ATP9B: variants seen among roughly 807,000 people sequenced by gnomAD.
ATP9B encodes the protein ATPase phospholipid transporting 9B, also known as probable phospholipid-transporting ATPase IIB.
In ATP9B, 110 loss-of-function variants were observed where a neutral mutation model predicts 146.1. The observed-to-expected ratio is 0.75, with a 90% confidence interval of 0.65 to 0.88. ATP9B has a LOEUF of 0.88. ATP9B is among the 40% of genes least tolerant of loss of function. The probability of loss-of-function intolerance (pLI) is 0.00; values close to 1 mark genes in which losing one functional copy is unlikely to be tolerated. For synonymous variants in ATP9B, 604 were observed against 569.7 expected, an observed-to-expected ratio of 1.06 and a Z score of -0.86; for missense variants, 1,499 against 1,496.4, an observed-to-expected ratio of 1.00 and a Z score of -0.03.
intron 12 of ATP9B, among the ~76,000 whole-genome samples, chr18:79,260,899 T>C (rs992530027): frequency 6.6e-6 from 1 of 152,246 alleles, no homozygotes; most frequent in African/African-American, 2.4e-5. Context: ...ATCAGTGATC[T>C]TGTATTCCTT....
chr18:79,103,387 G>T (rs1432568271), intron 2 of ATP9B, among the ~76,000 whole-genome samples: 1 of 151,740 alleles, frequency 6.6e-6, no homozygotes, highest in African/African-American at 2.4e-5. Context: ...GGAGATGTAA[G>T]TTGCAGAGTC....
chr18:79,134,012 T>G (rs2094416780), intron 5 of ATP9B, among the ~76,000 whole-genome samples: 1 of 152,230 alleles, frequency 6.6e-6, no homozygotes, highest in Non-Finnish European at 1.5e-5. Context: ...TAAAAAGTAT[T>G]TTCCAAAAGT....
intron 8 of ATP9B, among the ~76,000 whole-genome samples, chr18:79,178,764 A>C (rs1477995674): frequency 2.0e-5 from 3 of 152,150 alleles, no homozygotes; most frequent in Non-Finnish European, 4.4e-5. Flanking sequence ...GGTATTTGAT[A>C]TGCTGATATT....
intron 9 of ATP9B, among the ~76,000 whole-genome samples, chr18:79,198,580 T>C (rs1316492694): frequency 1.5e-5 from 2 of 130,796 alleles, no homozygotes; most frequent in Admixed American, 7.0e-5. Flanking sequence ...TGTAGCCTAC[T>C]ACACACCTAG....
intron 15 of ATP9B, among the ~76,000 whole-genome samples, chr18:79,322,048 C>T (rs138381309): frequency 1.6e-4 from 25 of 152,314 alleles, no homozygotes; most frequent in Non-Finnish European, 3.1e-4. Flanking sequence ...GATGGTGATG[C>T]ACAGGTGCCA....
At chr18:79,202,097 A>C (rs1471327863) in intron 9 of ATP9B, among the ~76,000 whole-genome samples, 1 of 152,170 alleles carries the variant, frequency 6.6e-6, no homozygotes, top group African/African-American at 2.4e-5. Context: ...AATTAATTCA[A>C]GGTCCCTGTG....
intron 2 of ATP9B, among the ~76,000 whole-genome samples, chr18:79,108,750 CTT>C (rs2075817279): frequency 6.6e-6 from 1 of 152,190 alleles, no homozygotes; most frequent in Non-Finnish European, 1.5e-5. Context: ...AACCTCTGAC[CTT>C]TCAGTGTGAG....
chr18:79,198,530 G>T (rs1384912886), intron 9 of ATP9B, among the ~76,000 whole-genome samples: 1 of 152,196 alleles, frequency 6.6e-6, no homozygotes, highest in African/African-American at 2.4e-5. Flanking sequence ...TTTCGTCATT[G>T]TGCAAACATG....
intron 5 of ATP9B, among the ~76,000 whole-genome samples, chr18:79,137,483 GC>G (rs2094461747): frequency 6.6e-6 from 1 of 152,304 alleles, no homozygotes; most frequent in East Asian, 1.9e-4. Context: ...TCTGGGGCAT[GC>G]TCCATGGGGT....
At chr18:79,329,419 C>T in intron 16 of ATP9B, 117 bp downstream of exon 16, 2 of 1,139,752 alleles carry the variant, frequency 1.8e-6, no homozygotes, top group Middle Eastern at 4.9e-4. Flanking sequence ...TATGCTGTTA[C>T]AGTTTTGTTT....
chr18:79,205,632 C>T (rs1275153577), intron 9 of ATP9B, among the ~76,000 whole-genome samples: 1 of 152,094 alleles, frequency 6.6e-6, no homozygotes, highest in Non-Finnish European at 1.5e-5. Flanking sequence ...TCACTGCCTC[C>T]CACACGGGAC....
intron 4 of ATP9B, among the ~76,000 whole-genome samples, chr18:79,114,424 C>T (rs1461040048): frequency 2.6e-5 from 4 of 152,178 alleles, no homozygotes; most frequent in Admixed American, 2.0e-4. Context: ...AGTCTGCTCC[C>T]GAGGGGTCTG....
At chr18:79,233,816 C>T (rs908319473) in intron 11 of ATP9B, among the ~76,000 whole-genome samples, 3 of 152,132 alleles carry the variant, frequency 2.0e-5, no homozygotes, top group South Asian at 2.1e-4. Context: ...TAACACAGAC[C>T]GTCAATTCAC....
chr18:79,089,379 C>G (rs1599445388), intron 1 of ATP9B, among the ~76,000 whole-genome samples: 1 of 152,208 alleles, frequency 6.6e-6, no homozygotes. Context: ...TGCACTGTGT[C>G]CCTTGTTCCT....
At chr18:79,301,942 G>C (rs2096593324) in intron 13 of ATP9B, among the ~76,000 whole-genome samples, 1 of 152,196 alleles carries the variant, frequency 6.6e-6, no homozygotes, top group African/African-American at 2.4e-5. Flanking sequence ...GGAAGGCTCT[G>C]AGCCAGCTGA....
intron 12 of ATP9B, among the ~76,000 whole-genome samples, chr18:79,273,038 T>C (rs1022270240): frequency 1.3e-5 from 2 of 152,332 alleles, no homozygotes; most frequent in African/African-American, 4.8e-5. Flanking sequence ...TGGATTACTC[T>C]TGGTGTCTGG....
At chr18:79,326,460 C>T (rs975279645) in intron 15 of ATP9B, among the ~76,000 whole-genome samples, 276 of 146,540 alleles carry the variant, frequency 1.9e-3, no homozygotes, top group African/African-American at 6.8e-3. Context: ...CCTGCACACT[C>T]CTTCCCCTCA....
chr18:79,118,390 GTTTTTT>G (rs752788043), intron 4 of ATP9B, among the ~76,000 whole-genome samples: 4 of 93,278 alleles, frequency 4.3e-5, no homozygotes, highest in Non-Finnish European at 6.5e-5. Context: ...GAACGTTTTT[GTTTTTT>G]TTTTTTTTTT....
chr18:79,138,721 G>T (rs1051564058), intron 5 of ATP9B, among the ~76,000 whole-genome samples: 2 of 150,906 alleles, frequency 1.3e-5, no homozygotes, highest in Admixed American at 6.6e-5. Flanking sequence ...AAGATGTAAT[G>T]ATTAATTACT....
Sources: allele counts gnomAD v4.1 joint callset (sites outside exome capture counted in the v4.1 genomes callset), GRCh38; gene constraint gnomAD v4.1.1; transcripts MANE v1.5; gene names NCBI Gene and HGNC (gene_info 2026-07-23, HGNC 2026-07-21).